The following TLE4 variants were observed in gnomAD, a reference collection of about 807,000 sequenced individuals.
TLE4 encodes TLE family member 4, transcriptional corepressor.
A neutral mutation model predicts 92.8 loss-of-function variants in TLE4; 8 were observed. That is an observed-to-expected ratio of 0.09 (90% CI 0.05 to 0.16). The LOEUF is 0.16. Ranked by LOEUF, TLE4 falls within the 10% of genes least tolerant of loss-of-function variation. The probability of loss-of-function intolerance (pLI) is 1.00; values close to 1 mark genes in which losing one functional copy is unlikely to be tolerated. For missense variants in TLE4, 675 were observed against 997.6 expected (o/e 0.68, Z 4.36); for synonymous variants, 371 against 374.1 (o/e 0.99, Z 0.10).
Position 79,693,560 on chromosome 9 carries a change from G to C in TLE4, c.610-11223G>C, listed in dbSNP as rs1384770060. On this transcript the variant is annotated intron_variant, in intron 8 of 19. Transcript: ENST00000376552. Reference sequence around the variant, plus strand: ...AAGACTTACCAGATAGCAGACTGTTGGCTGTGTTAGCAGAGAGCTGTCCTG... The same window carrying C: ...AAGACTTACCAGATAGCAGACTGTTCGCTGTGTTAGCAGAGAGCTGTCCTG... The C allele has an allele frequency of 1.9e-5, 8 of 428,106 alleles. No individual in the cohort carries two copies. In the East Asian group the frequency reaches 5.5e-4, roughly 29 times the overall value. The allele number at this position is 428,106 out of a possible 1,614,324, so 26.5% of individuals were successfully genotyped here. A position where few individuals can be genotyped will look rare whatever the true frequency, so the allele number is the denominator to read the frequency against.
chr9:79,685,322 A>C (rs1309703408), intron 8 of TLE4, among the ~76,000 whole-genome samples: 1 of 152,180 alleles, frequency 6.6e-6, no homozygotes, highest in Non-Finnish European at 1.5e-5. Context: ...AGATTAGAAC[A>C]GATTTTTTTT....
intron 8 of TLE4, among the ~76,000 whole-genome samples, chr9:79,677,049 G>A (rs1242186716): frequency 6.6e-6 from 1 of 152,030 alleles, no homozygotes; most frequent in Non-Finnish European, 1.5e-5. Flanking sequence ...ATAGATCTGG[G>A]CTCAAATCGC....
intron 8 of TLE4, among the ~76,000 whole-genome samples, chr9:79,660,912 CA>C (rs1403120426): frequency 6.6e-6 from 1 of 152,182 alleles, no homozygotes; most frequent in African/African-American, 2.4e-5. Context: ...TACTAATTAA[CA>C]GGGGCGGCCT....
chr9:79,726,083 C>T lies in TLE4; in HGVS notation c.*939C>T, dbSNP rs1408402003. The T allele has an allele frequency of 1.3e-5, 2 of 152,584 alleles. No individual in the cohort carries two copies. The highest frequency in any genetic ancestry group is 4.8e-5 in the African/African-American group (2 of 41,434). The allele number at this position is 152,584 out of a possible 1,614,324, so 9.5% of individuals were successfully genotyped here. On this transcript the variant is annotated 3_prime_UTR_variant, in exon 20 of 20. Coordinates refer to ENST00000376552, the MANE Select transcript of TLE4 (RefSeq NM_007005.6). ...GCTGCACAGTTATGGGGAGGACTCC[C>T]ACTGCTGTGCAAGTTAAGTCTTTTA...
chr9:79,659,114 T>C (rs1453860507), intron 8 of TLE4, among the ~76,000 whole-genome samples: 1 of 152,180 alleles, frequency 6.6e-6, no homozygotes, highest in Non-Finnish European at 1.5e-5. Context: ...CCTTATTTCA[T>C]ACATGAGGAA....
intron 8 of TLE4, among the ~76,000 whole-genome samples, chr9:79,700,198 G>A (rs1714170233): frequency 6.6e-6 from 1 of 152,218 alleles, no homozygotes; most frequent in Admixed American, 6.5e-5. Flanking sequence ...AGACTAAAGA[G>A]AGGCTGAGAC....
chr9:79,692,937 T>C (rs564273001), intron 8 of TLE4, among the ~76,000 whole-genome samples: 65 of 152,236 alleles, frequency 4.3e-4, no homozygotes, highest in African/African-American at 1.5e-3. Flanking sequence ...TATCCTTATC[T>C]CCGTTTTATA....
intron 8 of TLE4, among the ~76,000 whole-genome samples, chr9:79,681,584 A>C (rs1479113921): frequency 1.3e-5 from 2 of 152,278 alleles, no homozygotes; most frequent in Non-Finnish European, 2.9e-5. Flanking sequence ...GAATGTCCAC[A>C]TTAAGGACAT....
intron 8 of TLE4, among the ~76,000 whole-genome samples, chr9:79,696,003 T>G (rs918800177): frequency 6.6e-6 from 1 of 152,214 alleles, no homozygotes; most frequent in Non-Finnish European, 1.5e-5. Context: ...ATTTCTGTTG[T>G]GACTCTGAGA....
chr9:79,676,089 T>C (rs750030395), intron 8 of TLE4, among the ~76,000 whole-genome samples: 1 of 152,106 alleles, frequency 6.6e-6, no homozygotes, highest in South Asian at 2.1e-4. Flanking sequence ...ATTGCCCTGG[T>C]AGAGTGACAA....
At chr9:79,632,554 T>C (rs914134019) in intron 6 of TLE4, among the ~76,000 whole-genome samples, 1 of 152,266 alleles carries the variant, frequency 6.6e-6, no homozygotes, top group South Asian at 2.1e-4. Context: ...ATTGTAGTCA[T>C]GTACTAGAGT....
intron 5 of TLE4, among the ~76,000 whole-genome samples, chr9:79,618,759 C>A (rs1254706182): frequency 6.6e-6 from 1 of 152,026 alleles, no homozygotes; most frequent in Non-Finnish European, 1.5e-5. Context: ...TGATGAGGAG[C>A]ACACCTGGGG....
chr9:79,718,179 C>CT (rs879503984), intron 14 of TLE4: 9,338 of 313,426 alleles, frequency 0.03, 7 homozygotes, highest in South Asian at 0.047. Context: ...AGGGCTTTAT[C>CT]TTTTTTTTTT....
intron 6 of TLE4, among the ~76,000 whole-genome samples, chr9:79,640,059 TG>T (rs1168234619): frequency 3.3e-5 from 5 of 152,098 alleles, no homozygotes; most frequent in African/African-American, 1.2e-4. Context: ...TAGAAAGACC[TG>T]GTTATGGAAG....
At chr9:79,650,248 A>G (rs757560724) in intron 6 of TLE4, among the ~76,000 whole-genome samples, 5 of 152,084 alleles carry the variant, frequency 3.3e-5, no homozygotes, top group African/African-American at 4.8e-5. Flanking sequence ...TAATAGATAC[A>G]TTTTTAAAAC....
chr9:79,658,156 C>CT (rs1264817353), intron 8 of TLE4, among the ~76,000 whole-genome samples: 5 of 152,110 alleles, frequency 3.3e-5, no homozygotes, highest in African/African-American at 1.2e-4. Context: ...TTTTTAGTGA[C>CT]TTGTGCAGTG....
chr9:79,598,634 T>C (rs2044716182), intron 4 of TLE4, among the ~76,000 whole-genome samples: 1 of 152,180 alleles, frequency 6.6e-6, no homozygotes, highest in African/African-American at 2.4e-5. Context: ...TCCTGTACTG[T>C]TTTTTTCAGA....
chr9:79,633,106 A>G (rs1185262381), intron 6 of TLE4, among the ~76,000 whole-genome samples: 1 of 152,134 alleles, frequency 6.6e-6, no homozygotes, highest in Non-Finnish European at 1.5e-5. Context: ...TGAATGATGT[A>G]TTCATAATCT....
At chr9:79,700,724 G>T (rs973444205) in intron 8 of TLE4, among the ~76,000 whole-genome samples, 4 of 151,876 alleles carry the variant, frequency 2.6e-5, no homozygotes, top group African/African-American at 9.7e-5. Context: ...CCCAGCATAA[G>T]TGTTTACTTT....
Sources: allele counts gnomAD v4.1 joint callset (sites outside exome capture counted in the v4.1 genomes callset), GRCh38; gene constraint gnomAD v4.1.1; transcripts MANE v1.5; gene names NCBI Gene and HGNC (gene_info 2026-07-23, HGNC 2026-07-21).